Variants in SYNE2 observed in about 807,000 individuals in gnomAD.
SYNE2 encodes the protein nesprin-2.
Under a neutral mutation model 856.3 loss-of-function variants are expected in SYNE2, and 431 were observed. That is an observed-to-expected ratio of 0.50 (90% CI 0.47 to 0.55). SYNE2 has a LOEUF of 0.55. SYNE2 is among the 20% of genes least tolerant of loss of function. SYNE2 has a pLI of 0.00. For missense variants in SYNE2, 8,129 were observed against 8,023.2 expected, an observed-to-expected ratio of 1.01 and a Z score of -0.50; for synonymous variants, 2,923 against 2,872.3, an observed-to-expected ratio of 1.02 and a Z score of -0.56.
chr14:63,838,108 G>A (rs1048495255), intron 1 of SYNE2, among the ~76,000 whole-genome samples: 3 of 152,018 alleles, frequency 2.0e-5, no homozygotes, highest in East Asian at 1.9e-4. Flanking sequence ...AGTGGCTGAC[G>A]CCTGTAATCC....
intron 1 of SYNE2, among the ~76,000 whole-genome samples, chr14:63,875,442 C>T (rs2094693354): frequency 6.6e-6 from 1 of 152,122 alleles, no homozygotes; most frequent in South Asian, 2.1e-4. Context: ...TTCACAATAA[C>T]AATGACAACA....
At chr14:63,967,917 C>G in intron 11 of SYNE2, 71 bp downstream of exon 11, 1 of 1,506,876 alleles carries the variant, frequency 6.6e-7, no homozygotes, top group Non-Finnish European at 9.2e-7. Flanking sequence ...AATCCCAGCA[C>G]TTTGGGAGAC....
Position 64,177,364 on chromosome 14 carries a change from G to T in SYNE2, c.17437G>T (p.Asp5813Tyr). 1 of 1,614,118 alleles carries T rather than the reference G, an allele frequency of 6.2e-7. No individual in the cohort carries two copies. The highest frequency in any genetic ancestry group is 8.5e-7 in the Non-Finnish European group (1 of 1,180,020). The part of the protein sequence containing the change: ...KQFQSTVETW[D>Y]QCEKKIKELK... Reference sequence around the variant, plus strand: ...TAATCTTGTTTTCAAATAGACCTGGGACCAGTGTGAAAAGAAAATCAAGGA... The same window carrying T: ...TAATCTTGTTTTCAAATAGACCTGGTACCAGTGTGAAAAGAAAATCAAGGA... Residue 5813 changes from aspartate to tyrosine, a missense_variant, in exon 96 of 116, where the codon GAC (aspartate) becomes TAC (tyrosine). Asp to Tyr is a radical substitution (Grantham distance 160). Transcript: ENST00000555002.
intron 96 of SYNE2, among the ~76,000 whole-genome samples, chr14:64,180,723 C>CT (rs747506453): frequency 1.3e-5 from 2 of 152,142 alleles, no homozygotes; most frequent in Non-Finnish European, 2.9e-5. Context: ...AGGCTGGTCT[C>CT]TAACTCCCAA....
chr14:64,141,668 C>A, intron 81 of SYNE2, 145 bp downstream of exon 81: 1 of 951,320 alleles, frequency 1.1e-6, no homozygotes. Context: ...AATTACTGGA[C>A]CCTCCTCCAA....
At chr14:63,899,654 A>G (rs1311825260) in intron 1 of SYNE2, among the ~76,000 whole-genome samples, 1 of 152,086 alleles carries the variant, frequency 6.6e-6, no homozygotes, top group Non-Finnish European at 1.5e-5. Flanking sequence ...GGCACACACC[A>G]CCATGCCTAG....
At chr14:63,973,035 A>C (rs999348144) in intron 11 of SYNE2, among the ~76,000 whole-genome samples, 1 of 151,908 alleles carries the variant, frequency 6.6e-6, no homozygotes, top group African/African-American at 2.4e-5. Flanking sequence ...CAGGCAGATC[A>C]GTTGACGTCA....
rs74408027 is a variant in SYNE2, at chr14:64,159,141, C to T, written c.15964-171C>T. ...TATTACTTAGTACTTAAAAGTTCAG[C>T]CTCAAATAAAGAATGCCTTCTCCAT... On this transcript the variant is annotated intron_variant, in intron 86 of 115. Coordinates refer to ENST00000555002, the MANE Select transcript of SYNE2 (RefSeq NM_182914.3). 0.038 allele frequency among the ~76,000 whole-genome samples: 5,705 copies of T among 151,758 alleles called. 324 individuals carry two copies. Among genetic ancestry groups the T allele is most frequent in the African/African-American group, 0.13 (5,392 of 41,348 alleles).
At chr14:63,947,833 G>C (rs1222047402) in intron 6 of SYNE2, among the ~76,000 whole-genome samples, 2 of 151,420 alleles carry the variant, frequency 1.3e-5, no homozygotes, top group Non-Finnish European at 2.9e-5. Flanking sequence ...GTGAAACTCT[G>C]TCTAAAAAAA....
intron 1 of SYNE2, among the ~76,000 whole-genome samples, chr14:63,855,902 A>C (rs1161767239): frequency 6.6e-6 from 1 of 152,198 alleles, no homozygotes; most frequent in Admixed American, 6.5e-5. Flanking sequence ...GAGTGCTGGG[A>C]CATGGAATAA....
chr14:64,031,604 G>A (rs1421944607), intron 45 of SYNE2, among the ~76,000 whole-genome samples: 1 of 152,148 alleles, frequency 6.6e-6, no homozygotes, highest in Non-Finnish European at 1.5e-5. Flanking sequence ...TCTCTGATAG[G>A]TAATCAGATA....
chr14:64,209,232 C>CT, intron 101 of SYNE2, 196 bp from the exon 102 acceptor site: 1 of 971,950 alleles, frequency 1.0e-6, no homozygotes, highest in South Asian at 1.6e-5. Context: ...TTTTTAACCT[C>CT]TGTGAAGCAG....
chr14:63,766,807 T>C (rs1177873573), intron 1 of SYNE2, among the ~76,000 whole-genome samples: 1 of 152,156 alleles, frequency 6.6e-6, no homozygotes, highest in African/African-American at 2.4e-5. Flanking sequence ...ACAAAAGGCC[T>C]TAGATCTCCT....
intron 1 of SYNE2, among the ~76,000 whole-genome samples, chr14:63,827,625 CAAAAAAAAAA>C (rs11334415): frequency 1.2e-3 from 33 of 28,408 alleles, no homozygotes; most frequent in Admixed American, 1.7e-3. Context: ...AACTCTGTCT[CAAAAAAAAAA>C]AAAAAAAAAA....
At position 64,185,547 on chromosome 14, in the gene SYNE2, G is replaced by A. The variant is rs564582413; in HGVS notation, c.17557-877G>A. 4.0e-4 allele frequency among the ~76,000 whole-genome samples: 45 copies of A among 113,164 alleles called. No individual in the cohort carries two copies. In the South Asian group the frequency reaches 9.6e-3, roughly 24 times the overall value. The allele number at this position is 113,164 out of a possible 152,430, so 74.2% of individuals were successfully genotyped here. A position where few individuals can be genotyped will look rare whatever the true frequency, so the allele number is the denominator to read the frequency against. ...TTTTTTTTTTTTTTTTTGAGGTGGA[G>A]TCTCACTCTGTCAGCCAGGCTAGAA... On this transcript the variant is annotated intron_variant, in intron 96 of 115. Coordinates refer to ENST00000555002, the MANE Select transcript of SYNE2 (RefSeq NM_182914.3).
intron 1 of SYNE2, among the ~76,000 whole-genome samples, chr14:63,767,250 C>T (rs776359699): frequency 8.6e-5 from 13 of 151,598 alleles, no homozygotes; most frequent in East Asian, 5.8e-4. Context: ...GGATTTCAGG[C>T]GCCAGCCAAC....
intron 32 of SYNE2, among the ~76,000 whole-genome samples, chr14:64,014,972 T>TACACAC (rs1459153230): frequency 9.5e-5 from 8 of 83,914 alleles, no homozygotes; most frequent in African/African-American, 3.7e-4. Flanking sequence ...TATATATATA[T>TACACAC]ATACACACAC....
chr14:64,100,531 A>AAAATAT (rs1491537041), intron 63 of SYNE2, among the ~76,000 whole-genome samples: 47 of 39,452 alleles, frequency 1.2e-3, no homozygotes, highest in Admixed American at 3.3e-3. Flanking sequence ...AAAAAAAAAA[A>AAAATAT]ATATATATAT....
intron 10 of SYNE2, among the ~76,000 whole-genome samples, chr14:63,965,723 G>T (rs918861428): frequency 6.6e-6 from 1 of 152,198 alleles, no homozygotes; most frequent in African/African-American, 2.4e-5. Context: ...ACATTCAGTG[G>T]GTTGTGCAAC....
Sources: gnomAD v4.1 joint callset for allele counts (sites outside exome capture counted in the v4.1 genomes callset) on GRCh38, gnomAD v4.1.1 for gene constraint, MANE v1.5 for transcripts, NCBI Gene and HGNC (gene_info 2026-07-23, HGNC 2026-07-21) for gene names.